DEPTOR: variants seen among roughly 807,000 people sequenced by gnomAD.
DEPTOR encodes the protein DEP domain-containing mTOR-interacting protein.
Under a neutral mutation model 41.6 loss-of-function variants are expected in DEPTOR, and 41 were observed. The observed-to-expected ratio is 0.98, with a 90% confidence interval of 0.77 to 1.28. The LOEUF is 1.28. Among genes scored for constraint, DEPTOR ranks in the 50% most tolerant of loss-of-function variants. The pLI is 0.00. For missense variants in DEPTOR, 514 were observed against 527.9 expected (o/e 0.97, Z 0.26); for synonymous variants, 195 against 192.3 (o/e 1.01, Z -0.12).
At chr8:119,920,626 G>T (rs540020487) in intron 1 of DEPTOR, among the ~76,000 whole-genome samples, 1 of 152,292 alleles carries the variant, frequency 6.6e-6, no homozygotes, top group South Asian at 2.1e-4. Context: ...TACAAAGCAG[G>T]AATGCATGTG....
intron 6 of DEPTOR, among the ~76,000 whole-genome samples, chr8:120,005,868 G>A (rs1357824175): frequency 6.6e-6 from 1 of 152,142 alleles, no homozygotes; most frequent in Non-Finnish European, 1.5e-5. Flanking sequence ...CAGGAGGACA[G>A]CATGCCACTA....
chr8:119,955,548 C>A (rs1055161466), intron 3 of DEPTOR, among the ~76,000 whole-genome samples: 5 of 151,818 alleles, frequency 3.3e-5, no homozygotes, highest in Admixed American at 6.6e-5. Context: ...CTCACCGCAA[C>A]CTCTCCCTCC....
intron 3 of DEPTOR, among the ~76,000 whole-genome samples, chr8:119,946,499 T>C (rs1828280102): frequency 6.6e-6 from 1 of 151,726 alleles, no homozygotes; most frequent in Non-Finnish European, 1.5e-5. Context: ...CCCAGTACTT[T>C]GGGAGGCCAA....
chr8:119,911,145 C>T (rs1827731024), intron 1 of DEPTOR, among the ~76,000 whole-genome samples: 2 of 152,110 alleles, frequency 1.3e-5, no homozygotes, highest in South Asian at 4.1e-4. Context: ...CCGTGGCCTT[C>T]TATCAATTTC....
At chr8:119,969,350 G>GTTTTTTTTTTTTTTTTTTTT (rs779368330) in intron 4 of DEPTOR, among the ~76,000 whole-genome samples, 1 of 139,116 alleles carries the variant, frequency 7.2e-6, no homozygotes, top group Admixed American at 7.1e-5. Context: ...AATCTGTTTT[G>GTTTTTTTTTTTTTTTTTTTT]TTTTTTTTTG....
chr8:119,887,127 TCCCCCCCC>T (rs1563956948), intron 1 of DEPTOR, among the ~76,000 whole-genome samples: 1 of 5,796 alleles, frequency 1.7e-4, no homozygotes, highest in Non-Finnish European at 3.0e-4. Context: ...CCCCCTCCCC[TCCCCCCCC>T]CCTCCCCTCC....
intron 8 of DEPTOR, among the ~76,000 whole-genome samples, chr8:120,011,640 A>C (rs1812532291): frequency 6.6e-6 from 1 of 152,206 alleles, no homozygotes; most frequent in Non-Finnish European, 1.5e-5. Context: ...ATTTATTTAC[A>C]TTGCAACTAA....
At chr8:119,972,268 C>T (rs541050313) in intron 4 of DEPTOR, among the ~76,000 whole-genome samples, 7 of 152,286 alleles carry the variant, frequency 4.6e-5, no homozygotes, top group Non-Finnish European at 1.0e-4. Flanking sequence ...ACTCTATTCA[C>T]GTATGTATTT....
In DEPTOR at chr8:120,019,550, G is replaced by A. The variant is rs145591267; in HGVS notation, c.1101+10417G>A. Among the ~76,000 whole-genome samples the A allele has an allele frequency of 2.8e-4, 43 of 152,228 alleles. 1 individual carries two copies. The highest frequency in any genetic ancestry group is 6.8e-3 in the Middle Eastern group (2 of 294). ...AATCTTGGCTCCATTCCTCACGCCCGTGTAACTTTTGGCAAATTGTCTCCT... is the reference window on the plus strand; with the variant it reads ...AATCTTGGCTCCATTCCTCACGCCCATGTAACTTTTGGCAAATTGTCTCCT... On this transcript the variant is annotated intron_variant, in intron 8 of 8. Transcript: ENST00000286234.
intron 4 of DEPTOR, among the ~76,000 whole-genome samples, chr8:119,996,467 TG>T (rs1812261057): frequency 6.6e-6 from 1 of 152,192 alleles, no homozygotes; most frequent in Admixed American, 6.5e-5. Context: ...CCTGTTCTAT[TG>T]GGGAGAGAAT....
intron 4 of DEPTOR, among the ~76,000 whole-genome samples, chr8:119,979,371 A>G (rs996417880): frequency 1.3e-5 from 2 of 151,942 alleles, no homozygotes; most frequent in Non-Finnish European, 2.9e-5. Context: ...CCACCTCCCA[A>G]GCACAAGCAA....
At position 119,883,889 on chromosome 8, in the gene DEPTOR, G is replaced by A. The variant is rs118058413; in HGVS notation, c.122+9921G>A. ...TCCTTTGAGTGATGAAACTATTACA[G>A]CTATAGAGAACAGAACCTTGTCCTT... On this transcript the variant is annotated intron_variant, in intron 1 of 8. Coordinates refer to ENST00000286234, the MANE Select transcript of DEPTOR (RefSeq NM_022783.4). 2.4e-3 allele frequency among the ~76,000 whole-genome samples: 369 copies of A among 152,308 alleles called. 1 individual carries two copies. Among genetic ancestry groups the A allele is most frequent in the Non-Finnish European group, 3.8e-3 (260 of 68,040 alleles).
chr8:120,014,568 C>G (rs1812581635), intron 8 of DEPTOR, among the ~76,000 whole-genome samples: 1 of 151,940 alleles, frequency 6.6e-6, no homozygotes, highest in Non-Finnish European at 1.5e-5. Flanking sequence ...CACTCTGTTG[C>G]CCAAGCTGGA....
intron 3 of DEPTOR, among the ~76,000 whole-genome samples, chr8:119,937,130 C>T (rs1828123446): frequency 6.6e-6 from 1 of 151,522 alleles, no homozygotes; most frequent in Non-Finnish European, 1.5e-5. Flanking sequence ...TATTTTCTGG[C>T]CGGGCTCACG....
Position 120,050,455 on chromosome 8 carries a change from T to C in DEPTOR, c.*751T>C, listed in dbSNP as rs1813219498. 6.6e-6 allele frequency: 1 copy of C among 152,214 alleles called. No individual in the cohort carries two copies. Among genetic ancestry groups the C allele is most frequent in the Non-Finnish European group, 1.5e-5 (1 of 68,038 alleles). The allele number at this position is 152,214 out of a possible 1,614,324, so 9.4% of individuals were successfully genotyped here. ...GCATCTTTCTAGAATTAATCCTGAATATGTTGAATGTTAAAATAGAGAAGT... is the reference window on the plus strand; with the variant it reads ...GCATCTTTCTAGAATTAATCCTGAACATGTTGAATGTTAAAATAGAGAAGT... On this transcript the variant is annotated 3_prime_UTR_variant, in exon 9 of 9. Coordinates refer to ENST00000286234, the MANE Select transcript of DEPTOR (RefSeq NM_022783.4).
intron 1 of DEPTOR, among the ~76,000 whole-genome samples, chr8:119,875,337 A>T (rs757822970): frequency 9.9e-5 from 15 of 152,072 alleles, no homozygotes; most frequent in Non-Finnish European, 2.2e-4. Flanking sequence ...TAGATGATGG[A>T]TAGTGGTGTA....
chr8:119,915,962 A>AG (rs1448580579), intron 1 of DEPTOR, among the ~76,000 whole-genome samples: 1 of 151,558 alleles, frequency 6.6e-6, no homozygotes, highest in East Asian at 1.9e-4. Flanking sequence ...AAAAAAAAAA[A>AG]AAAAAGCTGA....
In DEPTOR at chr8:120,050,499, A is replaced by G. The variant is rs549248656; in HGVS notation, c.*795A>G. 8 of 152,342 alleles carry G rather than the reference A, an allele frequency of 5.3e-5. No individual in the cohort carries two copies. The South Asian group carries it at 1.7e-3, about 32-fold the overall frequency. 9.4% of individuals were successfully genotyped at this position (152,342 alleles called of 1,614,324 possible). A position where few individuals can be genotyped will look rare whatever the true frequency, so the allele number is the denominator to read the frequency against. The stretch of plus-strand genomic sequence containing the variant: ...GAGAAGTTTGTATATACACATAATT[A>G]AAAATCAACCCTTCTGGCAAGATTT... On this transcript the variant is annotated 3_prime_UTR_variant, in exon 9 of 9. Coordinates refer to ENST00000286234, the MANE Select transcript of DEPTOR (RefSeq NM_022783.4).
At position 119,873,878 on chromosome 8, in the gene DEPTOR, G is replaced by T. The variant is rs1347274076; in HGVS notation, c.32G>T (p.Gly11Val). ...GAGGGCGGCAGCACTGGCAGTGCTG[G>T]CAGTGACAGCAGCACCAGCGGGAGT... is the stretch of plus-strand genomic sequence containing the variant. MEEGGSTGSA[G>V]SDSSTSGSGG... The change falls in exon 1 of 9, where the codon GGC (glycine) becomes GTC (valine). Residue 11 changes from glycine (G) to valine (V), a missense_variant. Gly to Val is a moderately radical substitution (Grantham distance 109). Coordinates refer to ENST00000286234, the MANE Select transcript of DEPTOR (RefSeq NM_022783.4). 1.9e-6 allele frequency: 3 copies of T among 1,613,494 alleles called. No homozygotes were observed. The highest frequency in any genetic ancestry group is 2.5e-6 in the Non-Finnish European group (3 of 1,179,778).
Sources: allele counts gnomAD v4.1 joint callset (sites outside exome capture counted in the v4.1 genomes callset), GRCh38; gene constraint gnomAD v4.1.1; transcripts MANE v1.5; gene names NCBI Gene and HGNC (gene_info 2026-07-23, HGNC 2026-07-21).